Variants in PLEKHA2 observed in about 807,000 individuals in gnomAD.
PLEKHA2 encodes the protein pleckstrin homology domain-containing family A member 2.
A neutral mutation model predicts 53.2 loss-of-function variants in PLEKHA2; 28 were observed. That is an observed-to-expected ratio of 0.53 (90% CI 0.39 to 0.72). PLEKHA2 has a LOEUF of 0.72. PLEKHA2 is among the 30% of genes least tolerant of loss of function. PLEKHA2 has a pLI of 0.00. For synonymous variants in PLEKHA2, 193 were observed against 196.4 expected (o/e 0.98, Z 0.14); for missense variants, 426 against 537.9 (o/e 0.79, Z 2.06).
chr8:38,934,066 T>C (rs754124092), intron 2 of PLEKHA2, among the ~76,000 whole-genome samples: 1 of 151,898 alleles, frequency 6.6e-6, no homozygotes, highest in Non-Finnish European at 1.5e-5. Flanking sequence ...TTAATTTAGA[T>C]AGGTGGGGTT....
At chr8:38,964,468 G>GTAAT (rs952484316) in intron 10 of PLEKHA2, among the ~76,000 whole-genome samples, 2 of 152,262 alleles carry the variant, frequency 1.3e-5, no homozygotes, top group African/African-American at 4.8e-5. Context: ...CTATGAGAAT[G>GTAAT]TAATGCCTGA....
chr8:38,927,730 A>G (rs944348760), intron 2 of PLEKHA2, among the ~76,000 whole-genome samples: 6 of 152,150 alleles, frequency 3.9e-5, no homozygotes, highest in African/African-American at 9.7e-5. Flanking sequence ...AATGATATCA[A>G]TGATCTCCAC....
chr8:38,952,617 T>C lies in PLEKHA2; in HGVS notation c.634-19T>C, dbSNP rs1241585574. On this transcript the variant is annotated intron_variant, in intron 7 of 11. Coordinates refer to ENST00000617275, the MANE Select transcript of PLEKHA2 (RefSeq NM_021623.2). ...GGGCACCTCTCGCTAATGGTCTGCC[T>C]TTTATTTTTTTATTACAGCGGAAGA... 1 of 1,603,036 alleles carries C rather than the reference T, an allele frequency of 6.2e-7. No individual in the cohort carries two copies. Among genetic ancestry groups the C allele is most frequent in the Admixed American group, 1.7e-5 (1 of 59,924 alleles).
At position 38,922,611 on chromosome 8, in the gene PLEKHA2, A is replaced by G. The variant is rs11783243; in HGVS notation, c.141+4541A>G. Among the ~76,000 whole-genome samples, 18,572 of 152,280 alleles carry G rather than the reference A, an allele frequency of 0.12. 1,326 individuals are homozygous for G. The highest frequency in any genetic ancestry group is 0.2 in the East Asian group (1,029 of 5,178). On this transcript the variant is annotated intron_variant, in intron 2 of 11. Transcript: ENST00000617275. The surrounding 1 kb of genome is among the most constrained non-coding windows in gnomAD (Gnocchi z 4.0). ...ATGTTTTCTTAATTATTTAATAGGCAGTAATAAGCAGAAGATTTTTGGACC... is the reference window on the plus strand; with the variant it reads ...ATGTTTTCTTAATTATTTAATAGGCGGTAATAAGCAGAAGATTTTTGGACC...
chr8:38,917,266 G>A (rs1016770434), intron 1 of PLEKHA2, among the ~76,000 whole-genome samples: 3 of 152,126 alleles, frequency 2.0e-5, no homozygotes, highest in African/African-American at 7.2e-5. Context: ...CTGTGCAGAA[G>A]CTTTTTAACT....
chr8:38,907,798 C>T (rs1040906545), intron 1 of PLEKHA2, among the ~76,000 whole-genome samples: 1 of 150,312 alleles, frequency 6.7e-6, no homozygotes, highest in Non-Finnish European at 1.5e-5. Flanking sequence ...TCTTTTCACT[C>T]ATCCAGCCAG....
intron 8 of PLEKHA2, 109 bp downstream of exon 8, chr8:38,952,813 T>C (rs991643133): frequency 2.7e-6 from 3 of 1,131,974 alleles, no homozygotes; most frequent in Non-Finnish European, 2.6e-6. Flanking sequence ...ACACAAAGAC[T>C]TCAAAGGCGC....
rs56714628 is a variant in PLEKHA2 at position 38,964,852 on chromosome 8, C to CTTTTTTTTTTTTT, written c.838-3722_838-3710dup. ...TATTTTATTTTTTCTTGTTACTTCC[C>CTTTTTTTTTTTTT]TTTTTTTTTTTTTTTTTTTTTTTTT... On this transcript the variant is annotated intron_variant, in intron 10 of 11. Transcript: ENST00000617275. Among the ~76,000 whole-genome samples, 6 of 54,970 alleles carry CTTTTTTTTTTTTT rather than the reference C, an allele frequency of 1.1e-4. 2 individuals are homozygous for CTTTTTTTTTTTTT. The highest frequency in any genetic ancestry group is 1.3e-4 in the Non-Finnish European group (4 of 31,014). The allele number at this position is 54,970 out of a possible 152,430, so 36.1% of individuals were successfully genotyped here. A position where few individuals can be genotyped will look rare whatever the true frequency, so the allele number is the denominator to read the frequency against.
At chr8:38,951,489 T>A (rs972479648) in intron 6 of PLEKHA2, among the ~76,000 whole-genome samples, 1 of 146,022 alleles carries the variant, frequency 6.8e-6, no homozygotes, top group Non-Finnish European at 1.5e-5. Flanking sequence ...TTTTTTTTTT[T>A]TTTTGAGATG....
chr8:38,956,645 T>C (rs9650346), intron 9 of PLEKHA2, among the ~76,000 whole-genome samples: 139,800 of 152,154 alleles, frequency 0.92, 64,315 homozygotes, highest in African/African-American at 0.97. Context: ...ATGACAAATA[T>C]AAAAATTAGC....
In PLEKHA2 at chr8:38,936,040, A is replaced by G; in HGVS notation, c.188A>G (p.Tyr63Cys). ...GCTGTTGGAGCTTTGCAGCTGACCT[A>G]CATCTCGAAGGTAATGTTGACCTGG... ...AGAVGALQLTYISKVSIATPK... is the reference protein window; with the variant it reads ...AGAVGALQLTCISKVSIATPK... Residue 63 changes from tyrosine (Y) to cysteine (C), a missense_variant, in exon 3 of 12, where the codon TAC becomes TGC. Tyr to Cys is a radical substitution (Grantham distance 194). Transcript: ENST00000617275. 1 of 1,613,480 alleles carries G rather than the reference A, an allele frequency of 6.2e-7. No homozygotes were observed. Among genetic ancestry groups the G allele is most frequent in the Non-Finnish European group, 8.5e-7 (1 of 1,179,488 alleles).
chr8:38,938,669 C>T (rs1337190165), intron 3 of PLEKHA2, among the ~76,000 whole-genome samples: 1 of 152,196 alleles, frequency 6.6e-6, no homozygotes, highest in Non-Finnish European at 1.5e-5. Flanking sequence ...CTGCTCACAT[C>T]CCTGACCTCT....
At chr8:38,959,380 A>G (rs1370383133) in intron 10 of PLEKHA2, among the ~76,000 whole-genome samples, 2 of 152,226 alleles carry the variant, frequency 1.3e-5, no homozygotes, top group African/African-American at 2.4e-5. Context: ...GAGGACCCTC[A>G]TATGCCTTAT....
At chr8:38,946,482 G>A (rs1343493813) in intron 5 of PLEKHA2, among the ~76,000 whole-genome samples, 1 of 152,252 alleles carries the variant, frequency 6.6e-6, no homozygotes, top group South Asian at 2.1e-4. Flanking sequence ...GATCAGTCAT[G>A]TTTCGGGTGA....
intron 2 of PLEKHA2, among the ~76,000 whole-genome samples, chr8:38,919,934 G>C (rs933263448): frequency 1.3e-5 from 2 of 152,100 alleles, no homozygotes; most frequent in African/African-American, 2.4e-5. Context: ...TTTGCCTTCA[G>C]GCCCTGCGAT....
intron 2 of PLEKHA2, among the ~76,000 whole-genome samples, chr8:38,929,338 A>T (rs1261575105): frequency 6.6e-6 from 1 of 152,230 alleles, no homozygotes; most frequent in Non-Finnish European, 1.5e-5. Context: ...CCCAAGAGCC[A>T]GTTGGACAAG....
chr8:38,918,947 G>A (rs928373672), intron 2 of PLEKHA2, among the ~76,000 whole-genome samples: 2 of 152,258 alleles, frequency 1.3e-5, no homozygotes, highest in East Asian at 1.9e-4. Flanking sequence ...CCTGGATCCA[G>A]GCTCCAAGGC....
At chr8:38,908,024 A>G (rs1833903885) in intron 1 of PLEKHA2, among the ~76,000 whole-genome samples, 1 of 152,050 alleles carries the variant, frequency 6.6e-6, no homozygotes, top group Non-Finnish European at 1.5e-5. Flanking sequence ...CCTGACACTT[A>G]TTTTAAAATG....
chr8:38,969,065 A>AT (rs200615150), intron 11 of PLEKHA2: 124,339 of 295,522 alleles, frequency 0.42, 27,518 homozygotes, highest in East Asian at 0.72. Flanking sequence ...CGCCCAGCTG[A>AT]TTTTTTTGTA....
Sources: gnomAD v4.1 joint callset for allele counts (sites outside exome capture counted in the v4.1 genomes callset) on GRCh38, gnomAD v4.1.1 for gene constraint, Gnocchi (gnomAD v3.1) non-coding constraint, MANE v1.5 for transcripts, NCBI Gene and HGNC (gene_info 2026-07-23, HGNC 2026-07-21) for gene names.